Variants in PHLDB2 observed in about 807,000 individuals in gnomAD.
PHLDB2 encodes pleckstrin homology-like domain family B member 2.
A neutral mutation model predicts 123.6 loss-of-function variants in PHLDB2; 71 were observed. The observed-to-expected ratio is 0.57, with a 90% CI of 0.47 to 0.70. The LOEUF (loss-of-function observed/expected upper bound fraction) is 0.70. Ranked by LOEUF, PHLDB2 falls within the 30% of genes least tolerant of loss-of-function variation. The probability of loss-of-function intolerance (pLI) is 0.00; values close to 1 mark genes in which losing one functional copy is unlikely to be tolerated. For missense variants in PHLDB2, 1,446 were observed against 1,519.5 expected, an observed-to-expected ratio of 0.95 and a Z score of 0.80; for synonymous variants, 547 against 541.6, an observed-to-expected ratio of 1.01 and a Z score of -0.14.
chr3:111,842,008 A>G (rs1443335432), intron 1 of PHLDB2, among the ~76,000 whole-genome samples: 1 of 152,200 alleles, frequency 6.6e-6, no homozygotes, highest in Non-Finnish European at 1.5e-5. Context: ...TTGTCTTCCT[A>G]TCTTTCTTAC....
chr3:111,917,248 T>C (rs1259380267), intron 3 of PHLDB2: 1 of 152,252 alleles, frequency 6.6e-6, no homozygotes, highest in Non-Finnish European at 1.5e-5. Flanking sequence ...ATATATCTAC[T>C]GTGATAAACT....
chr3:111,844,189 ATC>A (rs879867854), intron 1 of PHLDB2, among the ~76,000 whole-genome samples: 45 of 152,094 alleles, frequency 3.0e-4, no homozygotes, highest in Non-Finnish European at 5.6e-4. Context: ...GATCTTTAAC[ATC>A]TCTCTCAGCC....
chr3:111,837,218 A>G (rs2063455088), intron 1 of PHLDB2, among the ~76,000 whole-genome samples: 1 of 152,184 alleles, frequency 6.6e-6, no homozygotes, highest in Non-Finnish European at 1.5e-5. Context: ...CATAACTGTT[A>G]TCGGTTTTTA....
intron 1 of PHLDB2, among the ~76,000 whole-genome samples, chr3:111,883,594 T>C (rs987039889): frequency 5.9e-5 from 9 of 152,174 alleles, no homozygotes; most frequent in African/African-American, 1.7e-4. Context: ...AACGTAAACT[T>C]TTTTTTCTCT....
At chr3:111,971,454 C>G (rs2072175717) in intron 16 of PHLDB2, among the ~76,000 whole-genome samples, 1 of 126,206 alleles carries the variant, frequency 7.9e-6, no homozygotes, top group African/African-American at 2.7e-5. Context: ...TAAAAAAATA[C>G]CAAAACCTTC....
At chr3:111,848,946 T>C (rs2064131649) in intron 2 of PHLDB2, among the ~76,000 whole-genome samples, 1 of 152,232 alleles carries the variant, frequency 6.6e-6, no homozygotes, top group Non-Finnish European at 1.5e-5. Flanking sequence ...CTATGCCACC[T>C]AGGTTTGTGT....
intron 9 of PHLDB2, among the ~76,000 whole-genome samples, chr3:111,947,192 G>A (rs920523016): frequency 2.6e-5 from 4 of 152,182 alleles, no homozygotes; most frequent in African/African-American, 9.6e-5. Context: ...AATTGGATGG[G>A]CTCTAAAGTC....
In PHLDB2 at chr3:111,973,775, C is replaced by A; in HGVS notation, c.3579C>A (p.Ala1193=). 1 of 1,602,202 alleles carries A rather than the reference C, an allele frequency of 6.2e-7. No homozygotes were observed. The highest frequency in any genetic ancestry group is 8.5e-7 in the Non-Finnish European group (1 of 1,172,222). ...TGAAAGGAGTAATATACTTTCAAGCCATTGAAGAAGTCTATTATGATCACC... is the reference window on the plus strand; with the variant it reads ...TGAAAGGAGTAATATACTTTCAAGCAATTGAAGAAGTCTATTATGATCACC... The part of the protein sequence containing the change: ...TKLKGVIYFQ[A]IEEVYYDHLK... Residue 1193 remains alanine, a synonymous_variant, in exon 17 of 18, where the codon GCC becomes GCA. Transcript: ENST00000431670.
At chr3:111,945,876 C>T (rs958251562) in intron 9 of PHLDB2, among the ~76,000 whole-genome samples, 3 of 152,118 alleles carry the variant, frequency 2.0e-5, no homozygotes, top group Non-Finnish European at 4.4e-5. Flanking sequence ...GTCCTATTTA[C>T]AGTAAACTGT....
chr3:111,737,642 T>C (rs2059532527), intron 1 of PHLDB2, among the ~76,000 whole-genome samples: 1 of 152,134 alleles, frequency 6.6e-6, no homozygotes, highest in African/African-American at 2.4e-5. Context: ...ATTCAAACAG[T>C]TTGAATGTGC....
chr3:111,952,617 C>T lies in PHLDB2; in HGVS notation c.2677C>T (p.Leu893Phe). The change falls in exon 11 of 18, where the codon CTC (leucine) becomes TTC (phenylalanine). Residue 893 changes from leucine to phenylalanine, a missense_variant. Physicochemically the swap from Leu to Phe is conservative, Grantham distance 22. This residue lies in a region of PHLDB2 where 594 missense variants were observed against 646.0 expected (regional missense o/e 0.92). Coordinates refer to ENST00000431670, the MANE Select transcript of PHLDB2 (RefSeq NM_001134438.2). ...EERKKQHKEG[L>F]YLSDTLPRKK... ...AAGGAAAAAACAGCATAAAGAAGGC[C>T]TCTATCTGAGTGATACTTTGCCTCG... 1 of 1,613,750 alleles carries T rather than the reference C, an allele frequency of 6.2e-7. No individual in the cohort carries two copies. The highest frequency in any genetic ancestry group is 8.5e-7 in the Non-Finnish European group (1 of 1,179,840).
At chr3:111,962,946 AAAAG>A (rs1553755187) in intron 13 of PHLDB2, among the ~76,000 whole-genome samples, 5 of 143,616 alleles carry the variant, frequency 3.5e-5, no homozygotes, top group Middle Eastern at 3.5e-3. Context: ...AAAAAAAAAA[AAAAG>A]AAAGAAAGAA....
intron 1 of PHLDB2, among the ~76,000 whole-genome samples, chr3:111,830,955 G>GAGAAAGAAGGAA (rs1553736317): frequency 2.0e-4 from 13 of 63,680 alleles, no homozygotes; most frequent in African/African-American, 9.6e-4. Flanking sequence ...AAGAAAGAAA[G>GAGAAAGAAGGAA]AGAAAGAAAG....
intron 2 of PHLDB2, 78 bp downstream of exon 2, chr3:111,885,490 C>T (rs1311293675): frequency 6.4e-7 from 1 of 1,561,784 alleles, no homozygotes; most frequent in South Asian, 1.1e-5. Flanking sequence ...AGATGGACTC[C>T]AGGATATGTG....
intron 1 of PHLDB2, among the ~76,000 whole-genome samples, chr3:111,780,339 A>G (rs200287186): frequency 0.17 from 2,203 of 13,168 alleles, 142 homozygotes; most frequent in Middle Eastern, 0.39. Context: ...AAGAAGAAGA[A>G]GAAGAAGAAG....
chr3:111,933,651 T>G (rs1387174499), intron 6 of PHLDB2, among the ~76,000 whole-genome samples: 5 of 152,216 alleles, frequency 3.3e-5, no homozygotes, highest in Non-Finnish European at 7.4e-5. Context: ...TAAAACTTCC[T>G]GCCTCTCAGT....
At chr3:111,734,772 C>T (rs1941628911) in intron 1 of PHLDB2, among the ~76,000 whole-genome samples, 1 of 152,144 alleles carries the variant, frequency 6.6e-6, no homozygotes, top group Admixed American at 6.5e-5. Flanking sequence ...AGTGCATTTC[C>T]CATAAGGTCA....
chr3:111,823,088 G>A (rs1172117374), intron 1 of PHLDB2, among the ~76,000 whole-genome samples: 2 of 152,228 alleles, frequency 1.3e-5, no homozygotes, highest in African/African-American at 2.4e-5. Context: ...CCAAGGTGAT[G>A]CTGGAGTACT....
chr3:111,859,098 T>C (rs1576911230), upstream of PHLDB2: 2 of 906,846 alleles, frequency 2.2e-6, no homozygotes, highest in Non-Finnish European at 2.6e-6. Context: ...ACCTGCTTTC[T>C]GACGCAGCTG....
Sources: allele counts gnomAD v4.1 joint callset (sites outside exome capture counted in the v4.1 genomes callset), GRCh38; gene constraint gnomAD v4.1.1; regional missense constraint gnomAD v4.1.1; transcripts MANE v1.5; gene names NCBI Gene and HGNC (gene_info 2026-07-23, HGNC 2026-07-21).